SLC38A9: variants seen among roughly 807,000 people sequenced by gnomAD.
The protein encoded by SLC38A9 is neutral amino acid transporter 9.
A neutral mutation model predicts 62.3 loss-of-function variants in SLC38A9; 48 were observed. The observed-to-expected ratio is 0.77, with a 90% CI of 0.61 to 0.98. SLC38A9 has a LOEUF of 0.98. SLC38A9 is among the 50% of genes least tolerant of loss of function. The probability of loss-of-function intolerance (pLI) is 0.00; values close to 1 mark genes in which losing one functional copy is unlikely to be tolerated. For synonymous variants in SLC38A9, 204 were observed against 227.7 expected, an observed-to-expected ratio of 0.90 and a Z score of 0.94; for missense variants, 541 against 679.8, an observed-to-expected ratio of 0.80 and a Z score of 2.27.
chr5:55,639,272 T>TTAAAAAAA (rs1391586466), intron 12 of SLC38A9, among the ~76,000 whole-genome samples: 9 of 54,650 alleles, frequency 1.6e-4, no homozygotes, highest in African/African-American at 6.2e-4. Flanking sequence ...AAACTCTGTC[T>TTAAAAAAA]AAAAAAAAAA....
intron 2 of SLC38A9, among the ~76,000 whole-genome samples, chr5:55,709,664 G>A (rs1327827562): frequency 6.6e-6 from 1 of 151,986 alleles, no homozygotes; most frequent in Non-Finnish European, 1.5e-5. Flanking sequence ...CCTATGCTGA[G>A]TTTACCCTTT....
intron 4 of SLC38A9, among the ~76,000 whole-genome samples, chr5:55,670,168 T>C (rs1751070388): frequency 6.9e-6 from 1 of 145,576 alleles, no homozygotes; most frequent in South Asian, 2.3e-4. Flanking sequence ...GGTTTCACCA[T>C]GTTAGCCAGG....
chr5:55,647,180 A>AT (rs1465937382), intron 11 of SLC38A9, among the ~76,000 whole-genome samples: 3 of 87,084 alleles, frequency 3.4e-5, no homozygotes, highest in African/African-American at 1.1e-4. Context: ...ATTTTATTTT[A>AT]TTTTTTATTT....
chr5:55,655,214 T>A (rs1748189664), intron 9 of SLC38A9, among the ~76,000 whole-genome samples: 1 of 151,590 alleles, frequency 6.6e-6, no homozygotes, highest in Non-Finnish European at 1.5e-5. Flanking sequence ...AAAATAAACA[T>A]TAGCAGAGAA....
Position 55,652,676 on chromosome 5 carries a change from T to C in SLC38A9, c.805A>G (p.Met269Val), listed in dbSNP as rs768675824. The change falls in exon 10 of 16, where the codon ATG (methionine) becomes GTG (valine). Residue 269 changes from methionine (M) to valine (V), a missense_variant. Met to Val is a conservative substitution (Grantham distance 21). Coordinates refer to ENST00000396865, the MANE Select transcript of SLC38A9 (RefSeq NM_173514.4). ...GSGGHPDNSS[M>V]IFYANDTGAQ... ...CCTGTGTCATTGGCATAGAAAATCA[T>C]AGAGCTGTTGTCAGGATGGCCTCCA... The C allele has an allele frequency of 3.7e-6, 6 of 1,613,536 alleles. No individual in the cohort carries two copies. Among genetic ancestry groups the C allele is most frequent in the East Asian group, 2.2e-5 (1 of 44,866 alleles).
intron 13 of SLC38A9, chr5:55,634,698 C>A (rs1229724268): frequency 6.6e-6 from 1 of 152,120 alleles, no homozygotes; most frequent in Non-Finnish European, 1.5e-5. Context: ...AAACTTATTT[C>A]TCTTATAAAG....
chr5:55,696,854 C>G (rs1441780212), intron 3 of SLC38A9: 2 of 159,448 alleles, frequency 1.3e-5, no homozygotes, highest in East Asian at 1.9e-4. Flanking sequence ...ACGGGGCGGC[C>G]GGGCAGAGAC....
intron 10 of SLC38A9, among the ~76,000 whole-genome samples, chr5:55,651,397 C>T (rs1271344140): frequency 6.6e-6 from 1 of 151,662 alleles, no homozygotes; most frequent in African/African-American, 2.4e-5. Context: ...TTACAGGCAC[C>T]AGCCACCACG....
In SLC38A9 at chr5:55,654,672, C is replaced by A. The variant is rs375174505; in HGVS notation, c.758-1949G>T. On this transcript the variant is annotated intron_variant, in intron 9 of 15. Transcript: ENST00000396865. ...TAATTGACTGAATAATGAATCCCAA[C>A]TCTGCCACTTAATATTTAGGTGTCC... Among the ~76,000 whole-genome samples the A allele has an allele frequency of 4.0e-4, 61 of 151,894 alleles. No individual in the cohort carries two copies. In the South Asian group the frequency reaches 0.012, roughly 31 times the overall value.
In SLC38A9 at chr5:55,626,164, G is replaced by T; in HGVS notation, c.*330C>A. 5.4e-6 allele frequency: 1 copy of T among 186,148 alleles called. No individual in the cohort carries two copies. The highest frequency in any genetic ancestry group is 1.1e-5 in the Non-Finnish European group (1 of 89,092). 11.5% of individuals were successfully genotyped at this position (186,148 alleles called of 1,614,324 possible). A position where few individuals can be genotyped will look rare whatever the true frequency, so the allele number is the denominator to read the frequency against. ...CTCTGACACCCTGAGAATCTTTACT[G>T]CAGGCAAAATAAATCCACCACCTTT... On this transcript the variant is annotated 3_prime_UTR_variant, in exon 16 of 16. Transcript: ENST00000396865.
At chr5:55,675,982 G>A (rs1752031290) in intron 3 of SLC38A9, among the ~76,000 whole-genome samples, 1 of 152,120 alleles carries the variant, frequency 6.6e-6, no homozygotes, top group Admixed American at 6.5e-5. Flanking sequence ...ACTGAATTCA[G>A]TATTTAGGGA....
intron 4 of SLC38A9, among the ~76,000 whole-genome samples, chr5:55,671,469 T>G (rs964279487): frequency 4.0e-5 from 6 of 151,800 alleles, no homozygotes; most frequent in African/African-American, 1.4e-4. Flanking sequence ...AAGAAACTAC[T>G]ATATTTATGT....
intron 1 of SLC38A9, among the ~76,000 whole-genome samples, 174 bp from the exon 2 acceptor site, chr5:55,711,673 C>G (rs1252954850): frequency 2.0e-5 from 3 of 152,174 alleles, no homozygotes; most frequent in African/African-American, 7.2e-5. Flanking sequence ...GTGGTCCTAG[C>G]TCAAGGCCCA....
intron 9 of SLC38A9, among the ~76,000 whole-genome samples, chr5:55,654,049 A>C (rs1029067332): frequency 2.2e-4 from 34 of 152,278 alleles, no homozygotes; most frequent in African/African-American, 7.7e-4. Flanking sequence ...CTAATGTCAC[A>C]GTAGAGCTTT....
At chr5:55,685,662 G>C (rs4865971) in intron 3 of SLC38A9, among the ~76,000 whole-genome samples, 82,903 of 151,916 alleles carry the variant, frequency 0.55, 23,988 homozygotes, top group South Asian at 0.65. Flanking sequence ...TACACGTGCA[G>C]GATGTGCCTA....
At chr5:55,668,221 G>A (rs949377298) in intron 7 of SLC38A9, among the ~76,000 whole-genome samples, 1 of 152,018 alleles carries the variant, frequency 6.6e-6, no homozygotes, top group Admixed American at 6.6e-5. Flanking sequence ...ACTCTGTGGG[G>A]GCTCTGTTCC....
chr5:55,628,638 G>A (rs1742891322), intron 14 of SLC38A9, among the ~76,000 whole-genome samples: 1 of 151,942 alleles, frequency 6.6e-6, no homozygotes, highest in South Asian at 2.1e-4. Flanking sequence ...TTATATTAAG[G>A]GAAAGACAAA....
At chr5:55,710,067 CA>C (rs1174162436) in intron 2 of SLC38A9, among the ~76,000 whole-genome samples, 385 of 20,892 alleles carry the variant, frequency 0.018, 2 homozygotes, top group African/African-American at 0.045. Context: ...GACTCCATCT[CA>C]AAAAAAAAAA....
intron 13 of SLC38A9, 122 bp from the exon 14 acceptor site, chr5:55,634,024 G>C: frequency 3.1e-6 from 2 of 638,386 alleles, no homozygotes; most frequent in Middle Eastern, 4.5e-4. Context: ...TTGTGGACTA[G>C]TGCCCATCCA....
Sources: gnomAD v4.1 joint callset for allele counts (sites outside exome capture counted in the v4.1 genomes callset) on GRCh38, gnomAD v4.1.1 for gene constraint, MANE v1.5 for transcripts, NCBI Gene and HGNC (gene_info 2026-07-23, HGNC 2026-07-21) for gene names.